The following CACNA2D3 variants were observed in gnomAD, a reference collection of about 807,000 sequenced individuals.
CACNA2D3 encodes the protein voltage-dependent calcium channel subunit alpha-2/delta-3.
Under a neutral mutation model 160.6 loss-of-function variants are expected in CACNA2D3, and 60 were observed. The ratio of observed to expected loss-of-function variants is 0.37; its 90% CI spans 0.30 to 0.46. The LOEUF is 0.46. CACNA2D3 is among the 20% of genes least tolerant of loss of function. The pLI is 1.00. For missense variants in CACNA2D3, 1,205 were observed against 1,365.0 expected (o/e 0.88, Z 1.85); for synonymous variants, 558 against 492.9 (o/e 1.13, Z -1.75).
At chr3:54,160,373 G>A (rs1005519846) in intron 2 of CACNA2D3, among the ~76,000 whole-genome samples, 15 of 152,148 alleles carry the variant, frequency 9.9e-5, no homozygotes, top group Admixed American at 3.9e-4. Context: ...GGTGGCGGGC[G>A]CCTGTAATTC....
chr3:54,562,754 A>T, intron 5 of CACNA2D3, 46 bp from the exon 6 acceptor site: 1 of 1,560,052 alleles, frequency 6.4e-7, no homozygotes, highest in South Asian at 1.1e-5. Context: ...ATTTTATTTC[A>T]CTTTGGTTTC....
chr3:54,127,699 G>A (rs1009860060), intron 2 of CACNA2D3, among the ~76,000 whole-genome samples: 6 of 152,158 alleles, frequency 3.9e-5, no homozygotes, highest in African/African-American at 1.4e-4. Context: ...TTCCTTAGCA[G>A]GTTATTTTTA....
At chr3:54,682,191 A>ACC (rs1700364680) in intron 11 of CACNA2D3, among the ~76,000 whole-genome samples, 1 of 151,576 alleles carries the variant, frequency 6.6e-6, no homozygotes, top group South Asian at 2.1e-4. Flanking sequence ...ACACACACAC[A>ACC]CACCACAAAA....
intron 11 of CACNA2D3, among the ~76,000 whole-genome samples, chr3:54,723,521 G>A (rs1183162946): frequency 6.6e-6 from 1 of 152,230 alleles, no homozygotes; most frequent in Admixed American, 6.5e-5. Context: ...CCCTGGTGGG[G>A]TAGGCACCGG....
At chr3:54,788,247 G>A (rs192530468) in intron 13 of CACNA2D3, among the ~76,000 whole-genome samples, 69 of 152,264 alleles carry the variant, frequency 4.5e-4, no homozygotes, top group Admixed American at 3.3e-4. Context: ...GTTGGACATG[G>A]TAATCTTAAG....
At chr3:54,342,824 G>C (rs963101347) in intron 3 of CACNA2D3, among the ~76,000 whole-genome samples, 16 of 152,248 alleles carry the variant, frequency 1.1e-4, no homozygotes, top group Admixed American at 3.9e-4. Context: ...CCCGAAGCCT[G>C]ATCTGGGCTG....
intron 4 of CACNA2D3, among the ~76,000 whole-genome samples, chr3:54,403,259 G>A (rs1346779937): frequency 6.6e-6 from 1 of 151,898 alleles, no homozygotes; most frequent in Non-Finnish European, 1.5e-5. Flanking sequence ...GGAGGCTGAG[G>A]TGGAAGGGTG....
chr3:54,246,655 C>G (rs191820824), intron 2 of CACNA2D3, among the ~76,000 whole-genome samples: 1 of 151,060 alleles, frequency 6.6e-6, no homozygotes, highest in Non-Finnish European at 1.5e-5. Flanking sequence ...ACCTGGGAGA[C>G]GGAGGCTGCA....
At chr3:54,495,620 A>G (rs1701191455) in intron 4 of CACNA2D3, among the ~76,000 whole-genome samples, 1 of 152,144 alleles carries the variant, frequency 6.6e-6, no homozygotes. Flanking sequence ...GTGGTGGTGC[A>G]CACTTGTTAT....
intron 2 of CACNA2D3, among the ~76,000 whole-genome samples, chr3:54,238,569 T>G (rs1326294709): frequency 6.6e-6 from 1 of 152,238 alleles, no homozygotes; most frequent in Non-Finnish European, 1.5e-5. Context: ...TTATCTAGTT[T>G]TTAGGTTGTC....
chr3:54,639,028 A>G (rs746113654), intron 10 of CACNA2D3: 1 of 152,130 alleles, frequency 6.6e-6, no homozygotes, highest in Non-Finnish European at 1.5e-5. Flanking sequence ...TCCCCTCCAG[A>G]AAAGCAGAGA....
intron 5 of CACNA2D3, among the ~76,000 whole-genome samples, chr3:54,527,730 G>C (rs899686632): frequency 6.6e-6 from 1 of 152,140 alleles, no homozygotes; most frequent in Non-Finnish European, 1.5e-5. Context: ...TGGGATGAAT[G>C]CCCTCCAACT....
At chr3:54,475,809 T>TTGTGTGTGTGTGTGTG (rs3030044) in intron 4 of CACNA2D3, among the ~76,000 whole-genome samples, 15,612 of 142,646 alleles carry the variant, frequency 0.11, 936 homozygotes, top group African/African-American at 0.15. Context: ...TGGTTACCAT[T>TTGTGTGTGTGTGTGTG]TGTGTGTGTG....
chr3:54,188,141 A>G (rs1700909828), intron 2 of CACNA2D3, among the ~76,000 whole-genome samples: 1 of 152,198 alleles, frequency 6.6e-6, no homozygotes, highest in Admixed American at 6.5e-5. Context: ...AACTCATTGT[A>G]TAGACTGTTA....
intron 4 of CACNA2D3, among the ~76,000 whole-genome samples, chr3:54,461,793 T>C (rs1008050057): frequency 9.2e-5 from 14 of 152,002 alleles, no homozygotes; most frequent in Admixed American, 2.0e-4. Context: ...CTGCTCTGAT[T>C]TTAGTTATTT....
intron 2 of CACNA2D3, among the ~76,000 whole-genome samples, chr3:54,156,962 A>G (rs972879364): frequency 6.6e-6 from 1 of 152,226 alleles, no homozygotes; most frequent in African/African-American, 2.4e-5. Context: ...ACAGTAATAG[A>G]TAGTACATTA....
intron 9 of CACNA2D3, among the ~76,000 whole-genome samples, chr3:54,622,582 GGTT>G (rs1441772602): frequency 0.012 from 361 of 28,958 alleles, 2 homozygotes; most frequent in African/African-American, 0.051. Context: ...GCCAGTTTTT[GGTT>G]TTTTTTTTTT....
intron 35 of CACNA2D3, among the ~76,000 whole-genome samples, chr3:55,029,379 G>A (rs1703636261): frequency 6.6e-6 from 1 of 152,154 alleles, no homozygotes; most frequent in South Asian, 2.1e-4. Flanking sequence ...AAAAAAAGAT[G>A]TATTACTTTC....
chr3:54,894,019 C>G (rs1375632258), intron 25 of CACNA2D3, among the ~76,000 whole-genome samples: 2 of 151,976 alleles, frequency 1.3e-5, no homozygotes, highest in African/African-American at 4.8e-5. Context: ...TCTGATACAA[C>G]CCTGGTAAAG....
Sources: allele counts gnomAD v4.1 joint callset (sites outside exome capture counted in the v4.1 genomes callset), GRCh38; gene constraint gnomAD v4.1.1; transcripts MANE v1.5; gene names NCBI Gene and HGNC (gene_info 2026-07-23, HGNC 2026-07-21).